Variants in WWTR1 observed in about 807,000 individuals in gnomAD.
WWTR1 encodes WW domain-containing transcription regulator protein 1.
Under a neutral mutation model 40.1 loss-of-function variants are expected in WWTR1, and 13 were observed. That is an observed-to-expected ratio of 0.32 (90% CI 0.21 to 0.52). WWTR1 has a LOEUF of 0.52. Among genes scored for constraint, WWTR1 ranks in the 20% least tolerant of loss-of-function variants. The pLI is 0.97. For missense variants in WWTR1, 436 were observed against 523.1 expected, an observed-to-expected ratio of 0.83 and a Z score of 1.63; for synonymous variants, 230 against 210.1, an observed-to-expected ratio of 1.09 and a Z score of -0.82.
chr3:149,672,887 G>A lies in WWTR1; in HGVS notation c.-107-2996C>T, dbSNP rs374341771. Reference sequence around the variant, plus strand: ...CAGCCTTGGACTCCTGGGCTCAAGCGATCCTCCCGCCTCAGCCTCTGAGGA... The same window carrying A: ...CAGCCTTGGACTCCTGGGCTCAAGCAATCCTCCCGCCTCAGCCTCTGAGGA... On this transcript the variant is annotated intron_variant, in intron 1 of 7. Transcript: ENST00000465804. Among the ~76,000 whole-genome samples the A allele has an allele frequency of 3.4e-4, 52 of 151,114 alleles. 1 individual carries two copies. In the East Asian group the frequency reaches 7.0e-3, roughly 20 times the overall value.
At chr3:149,536,112 A>G (rs1327282184) in intron 4 of WWTR1, among the ~76,000 whole-genome samples, 3 of 152,238 alleles carry the variant, frequency 2.0e-5, no homozygotes, top group East Asian at 3.8e-4. Context: ...TTTCTGGGAC[A>G]TGTAAGCAAA....
At chr3:149,696,096 G>A (rs1479316203) in intron 1 of WWTR1, among the ~76,000 whole-genome samples, 1 of 119,462 alleles carries the variant, frequency 8.4e-6, no homozygotes, top group African/African-American at 3.3e-5. Flanking sequence ...CTGGGCGACA[G>A]AGCGAGACTC....
At chr3:149,546,597 G>A (rs898019781) in intron 3 of WWTR1, among the ~76,000 whole-genome samples, 3 of 152,206 alleles carry the variant, frequency 2.0e-5, no homozygotes, top group African/African-American at 7.2e-5. Flanking sequence ...TATCAGGGAT[G>A]GGAGATCTTC....
At chr3:149,585,519 C>A (rs1222286396) in intron 2 of WWTR1, among the ~76,000 whole-genome samples, 1 of 151,832 alleles carries the variant, frequency 6.6e-6, no homozygotes, top group African/African-American at 2.4e-5. Context: ...GTCTAGCTAA[C>A]CACAAGTCTC....
At chr3:149,531,253 T>C (rs890533290) in intron 4 of WWTR1, among the ~76,000 whole-genome samples, 1 of 152,308 alleles carries the variant, frequency 6.6e-6, no homozygotes, top group East Asian at 1.9e-4. Context: ...AGCTTTGAAA[T>C]ATAAATTAGG....
chr3:149,619,221 C>G (rs913404396), intron 2 of WWTR1, among the ~76,000 whole-genome samples: 3 of 152,046 alleles, frequency 2.0e-5, no homozygotes, highest in Admixed American at 6.6e-5. Context: ...CTATGAGGAG[C>G]CCCCTGAAAC....
chr3:149,717,303 A>G (rs538220421), intron 5 of WWTR1: 4 of 152,262 alleles, frequency 2.6e-5, no homozygotes, highest in Non-Finnish European at 5.9e-5. Flanking sequence ...TCTTCAGCCT[A>G]AAAACAATGA....
intron 2 of WWTR1, among the ~76,000 whole-genome samples, chr3:149,640,105 C>T (rs1007853087): frequency 1.3e-5 from 2 of 152,110 alleles, no homozygotes; most frequent in Non-Finnish European, 2.9e-5. Flanking sequence ...CCCTTATTCA[C>T]GTAGCCCACT....
chr3:149,524,208 C>T (rs143813130), intron 6 of WWTR1, among the ~76,000 whole-genome samples: 13 of 152,246 alleles, frequency 8.5e-5, no homozygotes, highest in African/African-American at 2.9e-4. Context: ...TTGGCTAAAA[C>T]TATGTTCTTT....
intron 3 of WWTR1, among the ~76,000 whole-genome samples, chr3:149,554,463 T>C (rs1303919560): frequency 6.6e-6 from 1 of 152,174 alleles, no homozygotes; most frequent in Admixed American, 6.5e-5. Context: ...CAAACAATAA[T>C]GTAGTCCACA....
At chr3:149,611,523 G>C (rs1278749956) in intron 2 of WWTR1, among the ~76,000 whole-genome samples, 1 of 152,200 alleles carries the variant, frequency 6.6e-6, no homozygotes, top group Non-Finnish European at 1.5e-5. Context: ...AATCCAACTG[G>C]AGTAATCAGA....
chr3:149,543,596 AAAAAAAAG>A (rs1302360555), intron 3 of WWTR1, among the ~76,000 whole-genome samples: 28 of 149,454 alleles, frequency 1.9e-4, no homozygotes, highest in African/African-American at 6.8e-4. Flanking sequence ...AAAAAAAAAA[AAAAAAAAG>A]AACTTCACTT....
At chr3:149,714,123 C>A (rs1282036524) in intron 5 of WWTR1, among the ~76,000 whole-genome samples, 1 of 152,184 alleles carries the variant, frequency 6.6e-6, no homozygotes, top group Non-Finnish European at 1.5e-5. Flanking sequence ...GAACCCAAGG[C>A]GGAGCTGGGC....
intron 2 of WWTR1, among the ~76,000 whole-genome samples, chr3:149,631,944 A>G (rs1711563974): frequency 6.6e-6 from 1 of 152,170 alleles, no homozygotes; most frequent in Admixed American, 6.5e-5. Flanking sequence ...ATTTAGAGAC[A>G]GGATCTCACT....
In WWTR1 at chr3:149,601,359, G is replaced by A. The variant is rs1739233905; in HGVS notation, c.432-28359C>T. Among the ~76,000 whole-genome samples the A allele has an allele frequency of 1.3e-5, 2 of 152,130 alleles. 1 individual carries two copies. Among genetic ancestry groups the A allele is most frequent in the South Asian group, 4.1e-4 (2 of 4,822 alleles). On this transcript the variant is annotated intron_variant, in intron 2 of 6. Transcript: ENST00000360632. ...GTGACACAGGTGAGCCCCCATACCT[G>A]GCTAATTATTGTATTTTTAGTAAAG...
chr3:149,710,732 A>C (rs777137275), intron 5 of WWTR1, among the ~76,000 whole-genome samples: 5 of 151,284 alleles, frequency 3.3e-5, no homozygotes, highest in African/African-American at 4.9e-5. Context: ...GGTGCACGCC[A>C]CCAGGCCTGG....
intron 2 of WWTR1, among the ~76,000 whole-genome samples, chr3:149,600,482 A>G (rs1450402750): frequency 6.6e-6 from 1 of 152,198 alleles, no homozygotes; most frequent in Non-Finnish European, 1.5e-5. Context: ...AAGCACCTCA[A>G]GCTGGGACCT....
chr3:149,536,769 A>G (rs934587), intron 4 of WWTR1, among the ~76,000 whole-genome samples: 77,160 of 150,416 alleles, frequency 0.51, 20,409 homozygotes, highest in African/African-American at 0.62. Flanking sequence ...AAAAAAAAAA[A>G]AAAGAAAGAA....
intron 2 of WWTR1, among the ~76,000 whole-genome samples, chr3:149,645,804 TTAAATAAACAACC>T (rs1207115434): frequency 3.3e-5 from 5 of 152,080 alleles, no homozygotes; most frequent in African/African-American, 4.8e-5. Context: ...TATTTTTTTT[TTAAATAAACAACC>T]TAGCATGTGT....
Sources: allele counts gnomAD v4.1 joint callset (sites outside exome capture counted in the v4.1 genomes callset), GRCh38; gene constraint gnomAD v4.1.1; transcripts MANE v1.5; gene names NCBI Gene and HGNC (gene_info 2026-07-23, HGNC 2026-07-21).